NUP205: variants seen among roughly 807,000 people sequenced by gnomAD.
The protein encoded by NUP205 is nuclear pore complex protein Nup205.
A neutral mutation model predicts 253.8 loss-of-function variants in NUP205; 76 were observed. The ratio of observed to expected loss-of-function variants is 0.30; its 90% confidence interval spans 0.25 to 0.36. The LOEUF is 0.36. Ranked by LOEUF, NUP205 falls within the 10% of genes least tolerant of loss-of-function variation. The pLI, the probability that NUP205 is intolerant of heterozygous loss-of-function variation, is 1.00. For missense variants in NUP205, 2,162 were observed against 2,425.5 expected, an observed-to-expected ratio of 0.89 and a Z score of 2.28; for synonymous variants, 832 against 850.1, an observed-to-expected ratio of 0.98 and a Z score of 0.37.
intron 25 of NUP205, 47 bp downstream of exon 25, chr7:135,616,773 TAAAA>T (rs35690290): frequency 3.5e-6 from 3 of 866,384 alleles, no homozygotes; most frequent in Non-Finnish European, 4.9e-6. Flanking sequence ...AGACATATAT[TAAAA>T]AAAAAAAAAC....
chr7:135,635,653 TC>T lies in NUP205; in HGVS notation c.5134del (p.Gln1712SerfsTer5). The T allele has an allele frequency of 6.4e-7, 1 of 1,557,520 alleles. No individual in the cohort carries two copies. The highest frequency in any genetic ancestry group is 8.8e-7 in the Non-Finnish European group (1 of 1,133,216). ...LMELQGHIGR[F>X]QRQCLGLLSR... ...GAGCTACAGGGACATATTGGAAGAT[TC>T]CAGGTAACTGATTCTTATTTCTTTA... On this transcript the variant is annotated frameshift_variant, in exon 36 of 43. Coordinates refer to ENST00000285968, the MANE Select transcript of NUP205 (RefSeq NM_015135.3). LOFTEE classifies it high-confidence loss of function.
chr7:135,635,389 A>T (rs1393115551), intron 35 of NUP205, 192 bp from the exon 36 acceptor site: 1 of 372,386 alleles, frequency 2.7e-6, no homozygotes, highest in East Asian at 4.0e-5. Flanking sequence ...TTGAATGCGC[A>T]TGTACCGGTG....
At chr7:135,582,280 G>A (rs745405584) in intron 7 of NUP205, among the ~76,000 whole-genome samples, 9 of 151,868 alleles carry the variant, frequency 5.9e-5, no homozygotes, top group Non-Finnish European at 1.0e-4. Context: ...GTAAGACTCT[G>A]TTTCAAAAAA....
intron 16 of NUP205, 115 bp downstream of exon 16, chr7:135,601,084 T>C (rs1793956400): frequency 3.2e-6 from 2 of 618,866 alleles, no homozygotes; most frequent in Admixed American, 6.7e-5. Context: ...TAATCTTTTG[T>C]TTCATTGTTT....
intron 3 of NUP205, among the ~76,000 whole-genome samples, chr7:135,574,983 C>G (rs1266184396): frequency 6.6e-6 from 1 of 152,142 alleles, no homozygotes; most frequent in African/African-American, 2.4e-5. Flanking sequence ...ACTAGACATG[C>G]TTGAGTTTTG....
At chr7:135,572,874 A>G (rs1563111203) in intron 2 of NUP205, among the ~76,000 whole-genome samples, 1 of 151,552 alleles carries the variant, frequency 6.6e-6, no homozygotes, top group Non-Finnish European at 1.5e-5. Flanking sequence ...TCTTTTATAT[A>G]CAGCAAGGAA....
chr7:135,597,337 G>A (rs1563121732), intron 13 of NUP205, 31 bp from the exon 14 acceptor site: 4 of 1,549,570 alleles, frequency 2.6e-6, no homozygotes, highest in Non-Finnish European at 3.6e-6. Context: ...AATGAGGAAT[G>A]CTCCTGACAT....
Position 135,598,108 on chromosome 7 carries a change from T to C in NUP205, c.2175T>C (p.Ala725=), listed in dbSNP as rs771417500. The C allele has an allele frequency of 1.2e-6, 2 of 1,614,062 alleles. No individual in the cohort carries two copies. The highest frequency in any genetic ancestry group is 2.7e-5 in the African/African-American group (2 of 74,944). ...GCTCATTTCCTTCTAATTTGGGTGCTGGACTGCGGCCCCCTGGCTTTGACC... is the reference window on the plus strand; with the variant it reads ...GCTCATTTCCTTCTAATTTGGGTGCCGGACTGCGGCCCCCTGGCTTTGACC... The part of the protein sequence containing the change: ...VESSFPSNLG[A]GLRPPGFDPY... The change falls in exon 15 of 43, where the codon GCT becomes GCC. Residue 725 remains alanine, a synonymous_variant. Transcript: ENST00000285968.
At chr7:135,566,157 G>A (rs1805751762) in intron 1 of NUP205, among the ~76,000 whole-genome samples, 1 of 152,104 alleles carries the variant, frequency 6.6e-6, no homozygotes, top group Non-Finnish European at 1.5e-5. Flanking sequence ...TGCCCAGGCT[G>A]GATGGCAGTG....
intron 1 of NUP205, among the ~76,000 whole-genome samples, chr7:135,570,780 A>G (rs371909275): frequency 0.022 from 1,054 of 47,278 alleles, 82 homozygotes; most frequent in South Asian, 0.081. Context: ...AATATATATT[A>G]ATTATATTTA....
Position 135,604,454 on chromosome 7 carries a change from T to A in NUP205, c.2817T>A (p.His939Gln), listed in dbSNP as rs745463327. Residue 939 changes from histidine (H) to glutamine (Q), a missense_variant, in exon 19 of 43, where the codon CAT becomes CAA. His to Gln is a conservative substitution (Grantham distance 24, BLOSUM62 0). Transcript: ENST00000285968. ...IQIKLVGDFT[H>Q]DQSISQKLMA... ...TAAAGTTGGTTGGAGATTTCACACATGACCAGGTAACTGATTTTGTTGCTC... is the reference window on the plus strand; with the variant it reads ...TAAAGTTGGTTGGAGATTTCACACAAGACCAGGTAACTGATTTTGTTGCTC... 1 of 1,600,970 alleles carries A rather than the reference T, an allele frequency of 6.2e-7. No homozygotes were observed. The highest frequency in any genetic ancestry group is 8.5e-7 in the Non-Finnish European group (1 of 1,176,626).
rs765940163 is a variant in NUP205 at position 135,578,855 on chromosome 7, A to G, written c.982A>G (p.Thr328Ala). The G allele has an allele frequency of 2.5e-6, 4 of 1,611,846 alleles. No individual in the cohort carries two copies. In the South Asian group the frequency reaches 3.3e-5, roughly 13 times the overall value. Reference protein sequence around the residue: ...QLWKLPGLQATVRLAWALALR... With the variant: ...QLWKLPGLQAAVRLAWALALR... Reference sequence around the variant, plus strand: ...TTGGAAACTGCCTGGGCTCCAAGCCACTGTTAGACTTGCCTGGGCGCTGGC... The same window carrying G: ...TTGGAAACTGCCTGGGCTCCAAGCCGCTGTTAGACTTGCCTGGGCGCTGGC... The change falls in exon 7 of 43, where the codon ACT becomes GCT. Residue 328 changes from threonine (T) to alanine (A), a missense_variant. Transcript: ENST00000285968.
chr7:135,634,118 T>A (rs1794766406), intron 35 of NUP205, among the ~76,000 whole-genome samples: 2 of 152,166 alleles, frequency 1.3e-5, no homozygotes, highest in Admixed American at 6.5e-5. Flanking sequence ...TTTTTTCAGA[T>A]AAAGATGAGG....
rs149560724 is a variant in NUP205, at chr7:135,638,138, G to A, written c.5265+79G>A. 3.5e-4 allele frequency: 512 copies of A among 1,464,478 alleles called. 7 individuals are homozygous for A. The East Asian group carries it at 0.012, about 33-fold the overall frequency. The allele number at this position is 1,464,478 out of a possible 1,614,324, so 90.7% of individuals were successfully genotyped here. A position where few individuals can be genotyped will look rare whatever the true frequency, so the allele number is the denominator to read the frequency against. ...AAAATAACAGATGTGGACCTGGTGC[G>A]GTGGCTCACGCCTATAATCCCAGCA... is the stretch of plus-strand genomic sequence containing the variant. On this transcript the variant is annotated intron_variant, in intron 37 of 42. Coordinates refer to ENST00000285968, the MANE Select transcript of NUP205 (RefSeq NM_015135.3).
At chr7:135,607,060 G>A in intron 21 of NUP205, 145 bp downstream of exon 21, 1 of 1,126,116 alleles carries the variant, frequency 8.9e-7, no homozygotes, top group South Asian at 1.6e-5. Flanking sequence ...GTTCTTTAGG[G>A]CTTAGAACAA....
chr7:135,614,681 A>C (rs971129345), intron 23 of NUP205, among the ~76,000 whole-genome samples: 3 of 152,208 alleles, frequency 2.0e-5, no homozygotes, highest in Non-Finnish European at 2.9e-5. Context: ...TCAGATCTTG[A>C]AATGAAAAGT....
chr7:135,617,529 G>T, intron 26 of NUP205, 73 bp from the exon 27 acceptor site: 1 of 1,131,386 alleles, frequency 8.8e-7, no homozygotes, highest in Non-Finnish European at 1.3e-6. Context: ...GGCAGTTTAT[G>T]GTAATTGCTA....
Position 135,594,632 on chromosome 7 carries a change from C to G in NUP205, c.1916C>G (p.Pro639Arg), listed in dbSNP as rs1363734075. The G allele has an allele frequency of 1.2e-6, 2 of 1,613,682 alleles. No individual in the cohort carries two copies. Among genetic ancestry groups the G allele is most frequent in the African/African-American group, 1.3e-5 (1 of 74,860 alleles). The change falls in exon 13 of 43, where the codon CCC becomes CGC. Residue 639 changes from proline to arginine, a missense_variant. This residue lies in a region of NUP205 where 892 missense variants were observed against 957.1 expected (regional missense o/e 0.93). Coordinates refer to ENST00000285968, the MANE Select transcript of NUP205 (RefSeq NM_015135.3). ...VILGLLQCSIPPVLKAELLKT... is the reference protein window; with the variant it reads ...VILGLLQCSIRPVLKAELLKT... ...CTGGGACTCCTCCAATGCAGTATTCCCCCTGTCCTAAAAGCTGAGCTACTG... is the reference window on the plus strand; with the variant it reads ...CTGGGACTCCTCCAATGCAGTATTCGCCCTGTCCTAAAAGCTGAGCTACTG...
intron 33 of NUP205, among the ~76,000 whole-genome samples, chr7:135,627,582 G>A (rs1362850558): frequency 1.3e-5 from 2 of 152,216 alleles, no homozygotes; most frequent in Non-Finnish European, 2.9e-5. Flanking sequence ...GGGCAGCATA[G>A]TGGATTTTTG....
Sources: gnomAD v4.1 joint callset for allele counts (sites outside exome capture counted in the v4.1 genomes callset) on GRCh38, gnomAD v4.1.1 for gene constraint, gnomAD v4.1.1 regional missense constraint, MANE v1.5 for transcripts, NCBI Gene and HGNC (gene_info 2026-07-23, HGNC 2026-07-21) for gene names.